MVB12B: variants seen among roughly 807,000 people sequenced by gnomAD.
MVB12B encodes ESCRT-I complex subunit MVB12B.
MVB12B carries 16 observed loss-of-function variants against 41.6 expected under a neutral mutation model. The ratio of observed to expected loss-of-function variants is 0.38; its 90% CI spans 0.26 to 0.58. MVB12B has a LOEUF of 0.58. MVB12B is among the 20% of genes least tolerant of loss of function. MVB12B has a pLI of 0.62. For synonymous variants in MVB12B, 133 were observed against 139.7 expected, an observed-to-expected ratio of 0.95 and a Z score of 0.34; for missense variants, 274 against 380.2, an observed-to-expected ratio of 0.72 and a Z score of 2.32.
chr9:126,460,170 C>T (rs1833060342), intron 7 of MVB12B, among the ~76,000 whole-genome samples: 1 of 152,134 alleles, frequency 6.6e-6, no homozygotes, highest in Non-Finnish European at 1.5e-5. Context: ...GGCTGTAGTT[C>T]TGCTCAGACC....
chr9:126,408,178 A>AATAACGC (rs1831501446), intron 6 of MVB12B: 1 of 152,234 alleles, frequency 6.6e-6, no homozygotes, highest in Non-Finnish European at 1.5e-5. Context: ...AATAAGCGTT[A>AATAACGC]TTAGCCTAAT....
chr9:126,381,132 C>T lies in MVB12B; in HGVS notation c.273C>T (p.Thr91=). 1 of 1,614,114 alleles carries T rather than the reference C, an allele frequency of 6.2e-7. No individual in the cohort carries two copies. Among genetic ancestry groups the T allele is most frequent in the Non-Finnish European group, 8.5e-7 (1 of 1,179,984 alleles). ...WKDGLFKSKV[T]RYLCFTRSFS... is the part of the protein sequence containing the mutation. Reference sequence around the variant, plus strand: ...ACGGCTTATTTAAATCCAAGGTTACCAGATACCTGTGTTTCACAAGATCAT... The same window carrying T: ...ACGGCTTATTTAAATCCAAGGTTACTAGATACCTGTGTTTCACAAGATCAT... The change falls in exon 3 of 10, where the codon ACC becomes ACT. Residue 91 remains threonine (T), a synonymous_variant. Coordinates refer to ENST00000361171, the MANE Select transcript of MVB12B (RefSeq NM_033446.3).
chr9:126,349,159 G>T (rs1477376741), intron 2 of MVB12B, among the ~76,000 whole-genome samples: 1 of 152,116 alleles, frequency 6.6e-6, no homozygotes, highest in Admixed American at 6.5e-5. Context: ...AGTTAGGATT[G>T]ATTAAGTTTG....
chr9:126,436,913 G>A lies in MVB12B; in HGVS notation c.757+14965G>A, dbSNP rs183731892. Among the ~76,000 whole-genome samples, 259 of 152,298 alleles carry A rather than the reference G, an allele frequency of 1.7e-3. 1 individual carries two copies. The highest frequency in any genetic ancestry group is 6.1e-3 in the African/African-American group (255 of 41,562). On this transcript the variant is annotated intron_variant, in intron 7 of 9. Coordinates refer to ENST00000361171, the MANE Select transcript of MVB12B (RefSeq NM_033446.3). The surrounding 1 kb of genome is among the most constrained non-coding windows in gnomAD (Gnocchi z 4.1). ...TTACTCATTAAAAGAATTTATTTTAGGTGGACCAATTAAAACTTTGGAAGC... is the reference window on the plus strand; with the variant it reads ...TTACTCATTAAAAGAATTTATTTTAAGTGGACCAATTAAAACTTTGGAAGC...
At chr9:126,425,046 A>G (rs540334563) in intron 7 of MVB12B, among the ~76,000 whole-genome samples, 15 of 152,224 alleles carry the variant, frequency 9.9e-5, no homozygotes, top group Non-Finnish European at 1.9e-4. Context: ...TAAAAGATGT[A>G]TGTGAATATT....
rs1321688666 is a variant in MVB12B, at chr9:126,505,723, T to C, written c.*2460T>C. On this transcript the variant is annotated 3_prime_UTR_variant, in exon 10 of 10. Transcript: ENST00000361171. ...GCACATGCGTGTGTATAAGCCCACC[T>C]GAGTGGGGCTCGTGCAGGAGAACTG... 1 of 152,122 alleles carries C rather than the reference T, an allele frequency of 6.6e-6. No homozygotes were observed. Among genetic ancestry groups the C allele is most frequent in the East Asian group, 1.9e-4 (1 of 5,168 alleles). The allele number at this position is 152,122 out of a possible 1,614,324, so 9.4% of individuals were successfully genotyped here. A position where few individuals can be genotyped will look rare whatever the true frequency, so the allele number is the denominator to read the frequency against.
At chr9:126,327,071 G>T in intron 1 of MVB12B, 61 bp downstream of exon 1, 1 of 162,040 alleles carries the variant, frequency 6.2e-6, no homozygotes, top group Non-Finnish European at 1.3e-5. Flanking sequence ...CCGGGAGGGC[G>T]GGCGGGCGGG....
At chr9:126,458,735 C>T (rs559863787) in intron 7 of MVB12B, among the ~76,000 whole-genome samples, 2 of 152,214 alleles carry the variant, frequency 1.3e-5, no homozygotes, top group African/African-American at 4.8e-5. Flanking sequence ...ACCAGAGTCC[C>T]TTGAAAAAAT....
intron 7 of MVB12B, among the ~76,000 whole-genome samples, chr9:126,430,097 C>T (rs546661317): frequency 1.6e-4 from 25 of 152,332 alleles, no homozygotes; most frequent in Admixed American, 1.4e-3. Flanking sequence ...TTACTTGACT[C>T]TCTTCCTTGA....
chr9:126,378,683 C>T (rs1042784204), intron 2 of MVB12B, among the ~76,000 whole-genome samples: 3 of 151,842 alleles, frequency 2.0e-5, no homozygotes, highest in Non-Finnish European at 4.4e-5. Flanking sequence ...CTCCCTGGGC[C>T]CTTCATGATG....
At chr9:126,384,673 C>T (rs1265630591) in intron 3 of MVB12B, among the ~76,000 whole-genome samples, 4 of 151,886 alleles carry the variant, frequency 2.6e-5, no homozygotes, top group Admixed American at 6.6e-5. Context: ...GGACTACAAG[C>T]GTCCACCACC....
chr9:126,466,833 T>C (rs187380549), intron 7 of MVB12B, among the ~76,000 whole-genome samples: 143 of 152,208 alleles, frequency 9.4e-4, no homozygotes, highest in African/African-American at 3.2e-3. Flanking sequence ...AATCAGATTT[T>C]TTTTTTTCTT....
intron 7 of MVB12B, among the ~76,000 whole-genome samples, chr9:126,460,243 G>A (rs945869634): frequency 1.3e-5 from 2 of 152,186 alleles, no homozygotes; most frequent in African/African-American, 2.4e-5. Context: ...TGCACAATGA[G>A]GCAACTTTGC....
intron 4 of MVB12B, among the ~76,000 whole-genome samples, chr9:126,387,988 G>C (rs74612824): frequency 0.025 from 3,747 of 152,292 alleles, 133 homozygotes; most frequent in African/African-American, 0.084. Flanking sequence ...TTACAGATAT[G>C]TTTTATATTA....
At position 126,503,218 on chromosome 9, in the gene MVB12B, G is replaced by C; in HGVS notation, c.915G>C (p.Arg305Ser). 1 of 1,550,744 alleles carries C rather than the reference G, an allele frequency of 6.4e-7. No homozygotes were observed. The highest frequency in any genetic ancestry group is 1.2e-5 in the South Asian group (1 of 84,092). The change falls in exon 10 of 10, where the codon AGG becomes AGC. Residue 305 changes from arginine (R) to serine (S), a missense_variant. Arg to Ser is a moderately radical substitution (Grantham distance 110). Transcript: ENST00000361171. ...SFRTEQSAAA[R>S]LPPSPTRCQQ... is the part of the protein sequence containing the mutation. ...GCACAGAGCAGAGCGCAGCCGCCAGGCTCCCGCCCAGCCCCACCAGGTGTC... is the reference window on the plus strand; with the variant it reads ...GCACAGAGCAGAGCGCAGCCGCCAGCCTCCCGCCCAGCCCCACCAGGTGTC...
At chr9:126,495,628 C>A (rs1178385499) in intron 9 of MVB12B, among the ~76,000 whole-genome samples, 1 of 151,970 alleles carries the variant, frequency 6.6e-6, no homozygotes, top group African/African-American at 2.4e-5. Context: ...GTGCGGGGTA[C>A]TGTGGCAAAC....
rs371888631 is a variant in MVB12B at position 126,502,254 on chromosome 9, G to A, written c.874-923G>A. On this transcript the variant is annotated intron_variant, in intron 9 of 9. Coordinates refer to ENST00000361171, the MANE Select transcript of MVB12B (RefSeq NM_033446.3). The stretch of plus-strand genomic sequence containing the variant: ...GCCCCAACGCCTTGCACCTGTGTCC[G>A]GCCAGGCAGCTGCCAGCCCATTTCT... 1.4e-4 allele frequency among the ~76,000 whole-genome samples: 22 copies of A among 151,898 alleles called. No homozygotes were observed. In the East Asian group the frequency reaches 2.7e-3, roughly 19 times the overall value.
intron 9 of MVB12B, among the ~76,000 whole-genome samples, chr9:126,494,242 G>A (rs184388760): frequency 5.3e-4 from 80 of 151,990 alleles, no homozygotes; most frequent in Admixed American, 2.6e-3. Flanking sequence ...ATATTAATAC[G>A]GTGGATTGTA....
intron 6 of MVB12B, chr9:126,396,646 A>T: frequency 1.0e-6 from 1 of 985,452 alleles, no homozygotes; most frequent in Non-Finnish European, 1.2e-6. Flanking sequence ...ACTTGGAAGA[A>T]TGTGCTGTAA....
Sources: gnomAD v4.1 joint callset for allele counts (sites outside exome capture counted in the v4.1 genomes callset) on GRCh38, gnomAD v4.1.1 for gene constraint, Gnocchi (gnomAD v3.1) non-coding constraint, MANE v1.5 for transcripts, NCBI Gene and HGNC (gene_info 2026-07-23, HGNC 2026-07-21) for gene names.